STARD9: variants seen among roughly 807,000 people sequenced by gnomAD.
STARD9 encodes StAR related lipid transfer domain containing 9.
A neutral mutation model predicts 399.8 loss-of-function variants in STARD9; 346 were observed. The ratio of observed to expected loss-of-function variants is 0.87; its 90% CI spans 0.79 to 0.95. The LOEUF (loss-of-function observed/expected upper bound fraction) is 0.95, where lower values mean the gene tolerates loss of function less well. Among genes scored for constraint, STARD9 ranks in the 40% least tolerant of loss-of-function variants. The pLI is 0.00. For missense variants in STARD9, 5,832 were observed against 5,667.5 expected (o/e 1.03, Z -0.93); for synonymous variants, 2,203 against 2,143.5 (o/e 1.03, Z -0.77).
intron 3 of STARD9, among the ~76,000 whole-genome samples, chr15:42,605,383 C>T (rs2058706802): frequency 6.6e-6 from 1 of 152,110 alleles, no homozygotes; most frequent in Non-Finnish European, 1.5e-5. Flanking sequence ...CAATAGAAGC[C>T]TGAAATCAAA....
Position 42,692,703 on chromosome 15 carries a change from A to G in STARD9, c.11125A>G (p.Asn3709Asp). The change falls in exon 23 of 33, where the codon AAC becomes GAC. Residue 3709 changes from asparagine (N) to aspartate (D), a missense_variant. Around this residue, in one of 2 missense-constraint regions of STARD9, gnomAD observed 5,828 missense variants for 5,651.1 expected, o/e 1.03. Transcript: ENST00000290607. ...GCCAGATGTGGCCAGAAGGGAGCAG[A>G]ACACCAAGAGGGACATCCCAGATAA... is the stretch of plus-strand genomic sequence containing the variant. ...SQPDVARREQNTKRDIPDKAP... is the reference protein window; with the variant it reads ...SQPDVARREQDTKRDIPDKAP... 6.5e-7 allele frequency: 1 copy of G among 1,537,020 alleles called. No individual in the cohort carries two copies. The highest frequency in any genetic ancestry group is 1.2e-5 in the South Asian group (1 of 84,052).
intron 3 of STARD9, among the ~76,000 whole-genome samples, chr15:42,614,195 C>G (rs886312025): frequency 1.2e-4 from 18 of 151,272 alleles, no homozygotes; most frequent in Non-Finnish European, 2.7e-4. Context: ...CCTGTACTCC[C>G]AATTACTTGG....
intron 7 of STARD9, among the ~76,000 whole-genome samples, chr15:42,645,407 C>A (rs933084182): frequency 6.6e-6 from 1 of 152,116 alleles, no homozygotes; most frequent in Non-Finnish European, 1.5e-5. Context: ...GGCACACTGT[C>A]AATGAGCAGT....
At position 42,682,533 on chromosome 15, in the gene STARD9, G is replaced by GC. The variant is rs750663339; in HGVS notation, c.2500dup (p.Gln834ProfsTer27). On this transcript the variant is annotated frameshift_variant, in exon 22 of 33. Transcript: ENST00000290607. LOFTEE classifies it high-confidence loss of function. ...AAATTGACGAGTTGCAGTTCTTTGAGCCCCCAAAGACTCTGCAGCAAGCAC... is the reference window on the plus strand; with the variant it reads ...AAATTGACGAGTTGCAGTTCTTTGAGCCCCCCAAAGACTCTGCAGCAAGCAC... 3.9e-6 allele frequency: 6 copies of GC among 1,537,066 alleles called. No individual in the cohort carries two copies. In the African/African-American group the frequency reaches 5.5e-5, roughly 14 times the overall value.
rs2059467834 is a variant in STARD9 at position 42,638,625 on chromosome 15, C to T, written c.447-75C>T. 5.8e-6 allele frequency: 6 copies of T among 1,027,648 alleles called. No individual in the cohort carries two copies. In the South Asian group the frequency reaches 9.1e-5, roughly 16 times the overall value. The allele number at this position is 1,027,648 out of a possible 1,614,324, so 63.7% of individuals were successfully genotyped here. On this transcript the variant is annotated intron_variant, in intron 6 of 32. Coordinates refer to ENST00000290607, the MANE Select transcript of STARD9 (RefSeq NM_020759.3). The stretch of plus-strand genomic sequence containing the variant: ...GGAGCTGGAACAAGAACTAAGACCT[C>T]CTGATTTTTAGCTCAATGTTGTTTC...
chr15:42,681,351 A>T, intron 20 of STARD9, 71 bp from the exon 21 acceptor site: 2 of 1,452,902 alleles, frequency 1.4e-6, no homozygotes, highest in Non-Finnish European at 1.8e-6. Flanking sequence ...GGAAGGCCTT[A>T]CACTGCTATC....
At chr15:42,676,014 G>A in intron 20 of STARD9, 39 bp downstream of exon 20, 1 of 1,307,776 alleles carries the variant, frequency 7.6e-7, no homozygotes. Flanking sequence ...GAACCTACTG[G>A]GTTCGCTTCT....
At chr15:42,627,366 C>T (rs1389456888) in intron 3 of STARD9, among the ~76,000 whole-genome samples, 1 of 152,192 alleles carries the variant, frequency 6.6e-6, no homozygotes, top group Non-Finnish European at 1.5e-5. Context: ...TATTTTGATA[C>T]AGGCATACAA....
intron 16 of STARD9, chr15:42,671,443 A>C (rs371758360): frequency 1.4e-4 from 21 of 152,310 alleles, no homozygotes; most frequent in African/African-American, 5.1e-4. Context: ...TTCTGACACA[A>C]GTCCTGCTCC....
chr15:42,662,445 A>G (rs565481527), intron 10 of STARD9, among the ~76,000 whole-genome samples: 1 of 152,366 alleles, frequency 6.6e-6, no homozygotes, highest in Admixed American at 6.5e-5. Context: ...CACAAATACC[A>G]TAAAACTATA....
chr15:42,694,054 C>T lies in STARD9; in HGVS notation c.12476C>T (p.Thr4159Ile), dbSNP rs978885858. The T allele has an allele frequency of 6.5e-7, 1 of 1,536,330 alleles. No homozygotes were observed. ...QKGSPGGLDM[T>I]EEELGASGDL... ...GGCTCACCTGGGGGGTTGGACATGA[C>T]TGAGGAGGAGCTGGGGGCCAGCGGT... Residue 4159 changes from threonine to isoleucine, a missense_variant, in exon 23 of 33, where the codon ACT becomes ATT. By Grantham distance (89) the Thr-to-Ile change is moderately conservative. Coordinates refer to ENST00000290607, the MANE Select transcript of STARD9 (RefSeq NM_020759.3).
intron 6 of STARD9, 59 bp downstream of exon 6, chr15:42,638,146 C>T (rs1256220140): frequency 7.0e-7 from 1 of 1,438,114 alleles, no homozygotes; most frequent in Non-Finnish European, 9.4e-7. Flanking sequence ...CAAATTCTAC[C>T]ATGTTCAGCT....
intron 21 of STARD9, 40 bp downstream of exon 21, chr15:42,681,652 A>C (rs1566930171): frequency 6.8e-7 from 1 of 1,465,218 alleles, no homozygotes; most frequent in Non-Finnish European, 9.1e-7. Context: ...TCACCTCCTT[A>C]TTCTTTCATT....
chr15:42,643,326 A>G (rs1423951784), intron 7 of STARD9, among the ~76,000 whole-genome samples: 3 of 151,644 alleles, frequency 2.0e-5, no homozygotes, highest in Admixed American at 6.6e-5. Context: ...CCTCCTGAGT[A>G]GCTGGGATTA....
chr15:42,654,328 A>G (rs1250112826), intron 9 of STARD9, among the ~76,000 whole-genome samples: 2 of 152,212 alleles, frequency 1.3e-5, no homozygotes, highest in Non-Finnish European at 2.9e-5. Context: ...ACCCAACTAC[A>G]TGCTGTCTAT....
Position 42,687,120 on chromosome 15 carries a change from T to C in STARD9, c.5542T>C (p.Tyr1848His), listed in dbSNP as rs910513318. 1 of 1,537,300 alleles carries C rather than the reference T, an allele frequency of 6.5e-7. No homozygotes were observed. The highest frequency in any genetic ancestry group is 8.7e-7 in the Non-Finnish European group (1 of 1,146,928). Reference sequence around the variant, plus strand: ...TACAGAAGAAAGCCATGATTCAGTTTATTCTTCTGTTACTCAGAACAGACA... The same window carrying C: ...TACAGAAGAAAGCCATGATTCAGTTCATTCTTCTGTTACTCAGAACAGACA... ...NITEESHDSV[Y>H]SSVTQNRHFL... Residue 1848 changes from tyrosine to histidine, a missense_variant, in exon 23 of 33, where the codon TAT becomes CAT. Transcript: ENST00000290607.
At position 42,663,364 on chromosome 15, in the gene STARD9, C is replaced by T; in HGVS notation, c.952C>T (p.Pro318Ser). The change falls in exon 12 of 33, where the codon CCT becomes TCT. Residue 318 changes from proline (P) to serine (S), a missense_variant. Physicochemically the swap from Pro to Ser is moderately conservative, Grantham distance 74. Coordinates refer to ENST00000290607, the MANE Select transcript of STARD9 (RefSeq NM_020759.3). ...NGGDSGILSS[P>S]SGTSSGGAPS... is the part of the protein sequence containing the mutation. Reference sequence around the variant, plus strand: ...TGGTGACAGTGGGATCCTTAGCTCTCCTTCTGGGACCAGCAGTGGAGGGGC... The same window carrying T: ...TGGTGACAGTGGGATCCTTAGCTCTTCTTCTGGGACCAGCAGTGGAGGGGC... The T allele has an allele frequency of 6.5e-7, 1 of 1,537,306 alleles. No homozygotes were observed. The highest frequency in any genetic ancestry group is 8.7e-7 in the Non-Finnish European group (1 of 1,146,914).
rs190292983 is a variant in STARD9, at chr15:42,663,489, C to A, written c.1077C>A (p.Ala359=). The A allele has an allele frequency of 2.6e-6, 4 of 1,537,310 alleles. No individual in the cohort carries two copies. In the East Asian group the frequency reaches 9.8e-5, roughly 38 times the overall value. The change falls in exon 12 of 33, where the codon GCC becomes GCA. Residue 359 remains alanine, a splice_region_variant and synonymous_variant. Coordinates refer to ENST00000290607, the MANE Select transcript of STARD9 (RefSeq NM_020759.3). ...GCAACTCTAAAACCATCATGGTTGC[C>A]AGTGAGTGGGATGCCAGAGCTGGAC... ...LGGNSKTIMV[A]TVSPAHTSYS...
rs1488741700 is a variant in STARD9, at chr15:42,692,125, A to G, written c.10547A>G (p.Asn3516Ser). 1.3e-6 allele frequency: 2 copies of G among 1,537,046 alleles called. No homozygotes were observed. Among genetic ancestry groups the G allele is most frequent in the Non-Finnish European group, 1.7e-6 (2 of 1,146,896 alleles). ...SNVARCSSMDNGLEDQNSPFH... is the reference protein window; with the variant it reads ...SNVARCSSMDSGLEDQNSPFH... ...GTGGCCCGGTGCTCCAGCATGGACAATGGCCTAGAAGACCAGAACTCCCCT... is the reference window on the plus strand; with the variant it reads ...GTGGCCCGGTGCTCCAGCATGGACAGTGGCCTAGAAGACCAGAACTCCCCT... Residue 3516 changes from asparagine (N) to serine (S), a missense_variant, in exon 23 of 33, where the codon AAT becomes AGT. This residue lies in a region of STARD9 where 5,828 missense variants were observed against 5,651.1 expected (regional missense o/e 1.03). Transcript: ENST00000290607.
Sources: gnomAD v4.1 joint callset for allele counts (sites outside exome capture counted in the v4.1 genomes callset) on GRCh38, gnomAD v4.1.1 for gene constraint, gnomAD v4.1.1 regional missense constraint, MANE v1.5 for transcripts, NCBI Gene and HGNC (gene_info 2026-07-23, HGNC 2026-07-21) for gene names.